DMD: variants seen among roughly 807,000 people sequenced by gnomAD.
DMD encodes dystrophin.
Under a neutral mutation model 330.1 loss-of-function variants are expected in DMD, and 63 were observed. That is an observed-to-expected ratio of 0.19 (90% CI 0.16 to 0.24). The LOEUF (loss-of-function observed/expected upper bound fraction) is 0.24. Ranked by LOEUF, DMD falls within the 10% of genes least tolerant of loss-of-function variation. The probability of loss-of-function intolerance (pLI) is 1.00; values close to 1 mark genes in which losing one functional copy is unlikely to be tolerated. For missense variants in DMD, 3,344 were observed against 2,684.1 expected (o/e 1.25, Z -5.43); for synonymous variants, 1,223 against 959.8 (o/e 1.27, Z -5.07).
chrX:32,343,157 G>A lies in DMD; in HGVS notation c.5716C>T (p.Pro1906Ser). ...ACCTTTATTTTCCTTTCATCTCTGGGCTCAGGTAGGCTGGCTAATTTTTTT... is the reference window on the plus strand; with the variant it reads ...ACCTTTATTTTCCTTTCATCTCTGGACTCAGGTAGGCTGGCTAATTTTTTT... ...IEKKLASLPE[P>S]RDERKIKEID... The change falls in exon 40 of 79, where the codon CCC becomes TCC. Residue 1906 changes from proline (P) to serine (S), a missense_variant. Coordinates refer to ENST00000357033, the MANE Select transcript of DMD (RefSeq NM_004006.3). The A allele has an allele frequency of 8.3e-7, 1 of 1,209,998 alleles. No individual in the cohort carries two copies.
chrX:32,661,797 AT>A (rs1436049980), intron 9 of DMD, among the ~76,000 whole-genome samples: 6 of 111,575 alleles, frequency 5.4e-5, no homozygotes, highest in African/African-American at 2.0e-4. Context: ...AAAATAAAAA[AT>A]GAACTACCAT....
At chrX:32,630,490 T>TTC (rs777381880) in intron 11 of DMD, among the ~76,000 whole-genome samples, 62 of 111,045 alleles carry the variant, frequency 5.6e-4, no homozygotes, top group African/African-American at 1.9e-3. Context: ...GTGGGGGAAG[T>TTC]TCTGTGTTAT....
chrX:33,221,732 G>A (rs1016156977), intron 1 of DMD, among the ~76,000 whole-genome samples: 2 of 110,374 alleles, frequency 1.8e-5, no homozygotes, highest in Non-Finnish European at 3.8e-5. Flanking sequence ...GACAGTAAGG[G>A]TTTACTATGA....
chrX:31,956,788 C>T (rs190308603), intron 45 of DMD, among the ~76,000 whole-genome samples: 169 of 112,078 alleles, frequency 1.5e-3, no homozygotes, highest in Non-Finnish European at 2.5e-3. Context: ...GAAGAAGATT[C>T]AAATGGGAAT....
intron 44 of DMD, among the ~76,000 whole-genome samples, chrX:32,026,502 G>A (rs193131237): frequency 2.2e-3 from 246 of 112,217 alleles, no homozygotes; most frequent in African/African-American, 7.4e-3. Context: ...ACTAAACCCT[G>A]AAGACAAAAA....
chrX:31,661,394 C>T lies in DMD; in HGVS notation c.7873-3250G>A, dbSNP rs370988799. ...TTTCTCCCTTCTTAAAGACATTCCC[C>T]ACACAGAATGTTTTCCCTTTCTCCT... On this transcript the variant is annotated intron_variant, in intron 53 of 78. Coordinates refer to ENST00000357033, the MANE Select transcript of DMD (RefSeq NM_004006.3). 2.2e-4 allele frequency among the ~76,000 whole-genome samples: 24 copies of T among 110,238 alleles called. No individual in the cohort carries two copies. The East Asian group carries it at 5.1e-3, about 24-fold the overall frequency.
At chrX:32,846,920 T>C (rs2080734528) in intron 3 of DMD, among the ~76,000 whole-genome samples, 1 of 108,410 alleles carries the variant, frequency 9.2e-6, no homozygotes, top group Non-Finnish European at 1.9e-5. Context: ...GGCAGGAAAA[T>C]TGCTTGAACC....
chrX:32,651,863 C>T (rs754566170), intron 9 of DMD, among the ~76,000 whole-genome samples: 1 of 111,999 alleles, frequency 8.9e-6, no homozygotes, highest in Non-Finnish European at 1.9e-5. Context: ...AAAAATAAAG[C>T]TAACAAATTC....
intron 47 of DMD, among the ~76,000 whole-genome samples, chrX:31,909,392 T>C (rs962689178): frequency 9.0e-5 from 10 of 110,862 alleles, no homozygotes; most frequent in Middle Eastern, 4.8e-3. Context: ...CCTAAAGAGA[T>C]GATTTTCATC....
At chrX:33,273,073 A>T (rs1052462554) in intron 1 of DMD, among the ~76,000 whole-genome samples, 1 of 111,514 alleles carries the variant, frequency 9.0e-6, no homozygotes, top group Non-Finnish European at 1.9e-5. Context: ...ACCTCTAAGC[A>T]TTACCCTGAG....
At chrX:33,062,758 T>C (rs2094597957) in intron 1 of DMD, among the ~76,000 whole-genome samples, 1 of 112,959 alleles carries the variant, frequency 8.9e-6, no homozygotes, top group Non-Finnish European at 1.9e-5. Flanking sequence ...ATAACAGGCG[T>C]GCGCCATTGA....
At chrX:32,785,414 TC>T (rs1165941466) in intron 7 of DMD, among the ~76,000 whole-genome samples, 1 of 111,624 alleles carries the variant, frequency 9.0e-6, no homozygotes, top group Non-Finnish European at 1.9e-5. Context: ...TCTTGATCAA[TC>T]TGAGGAAAGA....
chrX:32,221,552 T>G (rs73460004), intron 43 of DMD, among the ~76,000 whole-genome samples: 5,125 of 111,790 alleles, frequency 0.046, 210 homozygotes, highest in African/African-American at 0.14. Flanking sequence ...TTTATTAATG[T>G]TTTTAAAAAA....
chrX:32,486,610 G>C (rs2042498069), intron 20 of DMD, among the ~76,000 whole-genome samples: 2 of 109,443 alleles, frequency 1.8e-5, no homozygotes, highest in African/African-American at 6.6e-5. Context: ...ATACTACAAG[G>C]CTACAGTAAC....
Position 31,529,043 on chromosome X carries a change from GA to G in DMD, c.8218-21591del, listed in dbSNP as rs748309729. ...TTGAGAACAGCCTGGCCAACATGGC[GA>G]AACTCTGTCTCTACTAAAAATACAA... On this transcript the variant is annotated intron_variant, in intron 55 of 78. Coordinates refer to ENST00000357033, the MANE Select transcript of DMD (RefSeq NM_004006.3). Among the ~76,000 whole-genome samples, 35 of 111,083 alleles carry G rather than the reference GA, an allele frequency of 3.2e-4. No individual in the cohort carries two copies. The East Asian group carries it at 9.6e-3, about 31-fold the overall frequency.
chrX:31,982,428 A>C (rs1362054880), intron 44 of DMD, among the ~76,000 whole-genome samples: 2 of 111,637 alleles, frequency 1.8e-5, no homozygotes, highest in Non-Finnish European at 3.8e-5. Flanking sequence ...AAGATTGCAG[A>C]GTAGTTGGGG....
At chrX:32,965,676 T>C (rs757391841) in intron 2 of DMD, among the ~76,000 whole-genome samples, 49 of 111,282 alleles carry the variant, frequency 4.4e-4, no homozygotes, top group Non-Finnish European at 8.5e-4. Flanking sequence ...GTGTATGGTA[T>C]GCATTATGTT....
intron 44 of DMD, among the ~76,000 whole-genome samples, chrX:32,138,159 C>T (rs2096736085): frequency 1.8e-5 from 2 of 110,587 alleles, no homozygotes; most frequent in African/African-American, 6.6e-5. Flanking sequence ...TTGATTAGGC[C>T]TCACATACAT....
At chrX:32,995,814 G>A (rs1238245087) in intron 2 of DMD, among the ~76,000 whole-genome samples, 1 of 111,676 alleles carries the variant, frequency 9.0e-6, no homozygotes, top group Admixed American at 9.6e-5. Flanking sequence ...GAAAATTTAA[G>A]GCAAATTACT....
Sources: allele counts gnomAD v4.1 joint callset (sites outside exome capture counted in the v4.1 genomes callset), GRCh38; gene constraint gnomAD v4.1.1; transcripts MANE v1.5; gene names NCBI Gene and HGNC (gene_info 2026-07-23, HGNC 2026-07-21).